MRPL39: variants seen among roughly 807,000 people sequenced by gnomAD.
The protein encoded by MRPL39 is large ribosomal subunit protein mL39.
Under a neutral mutation model 44.5 loss-of-function variants are expected in MRPL39, and 35 were observed. That is an observed-to-expected ratio of 0.79 (90% CI 0.60 to 1.04). MRPL39 has a LOEUF of 1.04. Ranked by LOEUF, MRPL39 falls within the 50% of genes least tolerant of loss-of-function variation. The pLI, the probability that MRPL39 is intolerant of heterozygous loss-of-function variation, is 0.00. For synonymous variants in MRPL39, 139 were observed against 136.1 expected (o/e 1.02, Z -0.15); for missense variants, 433 against 413.5 (o/e 1.05, Z -0.41).
At chr21:25,595,185 T>C (rs577546662) in intron 6 of MRPL39, among the ~76,000 whole-genome samples, 3 of 152,308 alleles carry the variant, frequency 2.0e-5, no homozygotes, top group African/African-American at 7.2e-5. Flanking sequence ...GTATGCACAA[T>C]TATGTGGCAA....
At chr21:25,607,010 C>T (rs983057021) in intron 1 of MRPL39, among the ~76,000 whole-genome samples, 1 of 152,218 alleles carries the variant, frequency 6.6e-6, no homozygotes, top group African/African-American at 2.4e-5. Flanking sequence ...GGTCCCACAC[C>T]GAAACTATCA....
At chr21:25,601,549 G>A (rs2829830) in intron 3 of MRPL39, 82 bp from the exon 4 acceptor site, 2 of 895,848 alleles carry the variant, frequency 2.2e-6, no homozygotes, top group South Asian at 2.3e-5. Flanking sequence ...AATTTTAAGT[G>A]AACTTCTGAC....
chr21:25,587,611 T>C (rs917435370), intron 9 of MRPL39: 1 of 1,066,456 alleles, frequency 9.4e-7, no homozygotes, highest in Non-Finnish European at 1.4e-6. Context: ...AGAAAATAAA[T>C]GTACTGGCAA....
chr21:25,592,768 T>A, intron 8 of MRPL39, 44 bp downstream of exon 8: 5 of 1,463,522 alleles, frequency 3.4e-6, no homozygotes, highest in Non-Finnish European at 4.7e-6. Flanking sequence ...CGGAATTATA[T>A]CTATACCCAA....
intron 2 of MRPL39, among the ~76,000 whole-genome samples, chr21:25,605,398 T>C (rs781248413): frequency 5.3e-5 from 8 of 152,150 alleles, no homozygotes; most frequent in African/African-American, 1.9e-4. Flanking sequence ...ATTCACCCCA[T>C]GCACATTCCC....
At chr21:25,590,839 T>A (rs2031153258) in intron 8 of MRPL39, among the ~76,000 whole-genome samples, 1 of 151,978 alleles carries the variant, frequency 6.6e-6, no homozygotes, top group Admixed American at 6.5e-5. Context: ...TAAAAAACAG[T>A]AACAAGGGAG....
At chr21:25,586,076 T>C (rs2030989201) in intron 9 of MRPL39, among the ~76,000 whole-genome samples, 1 of 152,256 alleles carries the variant, frequency 6.6e-6, no homozygotes, top group Admixed American at 6.5e-5. Context: ...TAACAAGCTA[T>C]TTTAAATCAG....
intron 6 of MRPL39, among the ~76,000 whole-genome samples, chr21:25,596,476 T>C (rs1190185104): frequency 1.3e-5 from 2 of 152,200 alleles, no homozygotes; most frequent in Non-Finnish European, 1.5e-5. Context: ...TAACATCCTA[T>C]AGAAGAATAC....
intron 6 of MRPL39, among the ~76,000 whole-genome samples, chr21:25,595,251 G>T (rs536489793): frequency 2.0e-5 from 3 of 152,106 alleles, no homozygotes; most frequent in Non-Finnish European, 4.4e-5. Context: ...AGTCCCCCAG[G>T]CACTAATAAG....
chr21:25,597,825 G>A (rs1022493221), intron 5 of MRPL39, among the ~76,000 whole-genome samples: 6 of 152,032 alleles, frequency 3.9e-5, no homozygotes, highest in Non-Finnish European at 5.9e-5. Flanking sequence ...AATATATGGG[G>A]AAAAATTATT....
Position 25,598,856 on chromosome 21 carries a change from G to GAA in MRPL39, c.588+941_588+942dup, listed in dbSNP as rs57011739. Among the ~76,000 whole-genome samples the GAA allele has an allele frequency of 7.3e-3, 999 of 136,588 alleles. 18 individuals are homozygous for GAA. The highest frequency in any genetic ancestry group is 0.024 in the African/African-American group (903 of 36,996). 89.6% of individuals were successfully genotyped at this position (136,588 alleles called of 152,430 possible). On this transcript the variant is annotated intron_variant, in intron 5 of 9. Coordinates refer to ENST00000352957, the MANE Select transcript of MRPL39 (RefSeq NM_017446.4). Reference sequence around the variant, plus strand: ...TAAATCTAAGATGTATTACTAAGGGGAAAAAAAAAAAAAAAAAACACTACA... The same window carrying GAA: ...TAAATCTAAGATGTATTACTAAGGGGAAAAAAAAAAAAAAAAAAAACACTACA...
chr21:25,599,979 T>A, intron 4 of MRPL39, 113 bp from the exon 5 acceptor site: 1 of 737,784 alleles, frequency 1.4e-6, no homozygotes, highest in Non-Finnish European at 2.3e-6. Flanking sequence ...CTCTCCCAAC[T>A]CTACAAATTA....
At chr21:25,595,706 C>T (rs12482789) in intron 6 of MRPL39, among the ~76,000 whole-genome samples, 11,658 of 151,030 alleles carry the variant, frequency 0.077, 1,102 homozygotes, top group African/African-American at 0.21. Context: ...CACTGAGTAA[C>T]ATTTTAGATG....
At chr21:25,607,309 C>T (rs571763393) in intron 1 of MRPL39, 94 bp downstream of exon 1, 81 of 1,390,738 alleles carry the variant, frequency 5.8e-5, no homozygotes, top group Non-Finnish European at 5.2e-5. Context: ...CTTCCTCTGC[C>T]CCGCGGGACC....
At chr21:25,601,839 T>A (rs972911972) in intron 3 of MRPL39, among the ~76,000 whole-genome samples, 8 of 152,256 alleles carry the variant, frequency 5.3e-5, no homozygotes, top group African/African-American at 1.9e-4. Flanking sequence ...TAACTTTGTA[T>A]CATTTATAAA....
intron 2 of MRPL39, among the ~76,000 whole-genome samples, chr21:25,605,532 G>A (rs4817038): frequency 0.63 from 95,098 of 151,994 alleles, 31,502 homozygotes; most frequent in Non-Finnish European, 0.75. Context: ...AGAAAAAGGC[G>A]GCAAAAAAAA....
At chr21:25,601,307 T>C in intron 4 of MRPL39, 61 bp downstream of exon 4, 1 of 1,096,696 alleles carries the variant, frequency 9.1e-7, no homozygotes, top group Non-Finnish European at 1.3e-6. Flanking sequence ...ACTCTATACG[T>C]CATCAAAAAT....
chr21:25,592,842 G>C lies in MRPL39; in HGVS notation c.891C>G (p.Phe297Leu), dbSNP rs2031222504. The C allele has an allele frequency of 2.5e-6, 4 of 1,612,022 alleles. No homozygotes were observed. The highest frequency in any genetic ancestry group is 2.5e-6 in the Non-Finnish European group (3 of 1,178,274). ...AGTGAACAGGTAAAGACACGCCCTG[G>C]AATCTTCGTATGAGACTTGGCTGGG... ...QPTQPSLIRR[F>L]QGVSLPVHLR... Residue 297 changes from phenylalanine (F) to leucine (L), a missense_variant, in exon 8 of 10, where the codon TTC becomes TTG. Transcript: ENST00000352957.
chr21:25,604,813 T>C (rs566344308), intron 2 of MRPL39, among the ~76,000 whole-genome samples: 149 of 152,198 alleles, frequency 9.8e-4, no homozygotes, highest in Non-Finnish European at 1.9e-3. Flanking sequence ...ATCCAGAGTC[T>C]AGCACCAGGC....
Sources: allele counts gnomAD v4.1 joint callset (sites outside exome capture counted in the v4.1 genomes callset), GRCh38; gene constraint gnomAD v4.1.1; transcripts MANE v1.5; gene names NCBI Gene and HGNC (gene_info 2026-07-23, HGNC 2026-07-21).